GSTA1: variants seen among roughly 807,000 people sequenced by gnomAD.
GSTA1 encodes glutathione S-transferase A1.
GSTA1 carries 23 observed loss-of-function variants against 21.5 expected under a neutral mutation model. The ratio of observed to expected loss-of-function variants is 1.07; its 90% confidence interval spans 0.77 to 1.52. The LOEUF is 1.52. Among genes scored for constraint, GSTA1 ranks in the 40% most tolerant of loss-of-function variants. The pLI is 0.00. For missense variants in GSTA1, 301 were observed against 264.2 expected, an observed-to-expected ratio of 1.14 and a Z score of -0.96; for synonymous variants, 125 against 90.0, an observed-to-expected ratio of 1.39 and a Z score of -2.20.
chr6:52,795,060 TG>T (rs1763544545), intron 4 of GSTA1, among the ~76,000 whole-genome samples: 3 of 152,036 alleles, frequency 2.0e-5, no homozygotes, highest in Admixed American at 1.3e-4. Flanking sequence ...ACAGTCTAAT[TG>T]CAGAATTATT....
chr6:52,798,900 A>G (rs1763647416), intron 2 of GSTA1, among the ~76,000 whole-genome samples: 1 of 152,226 alleles, frequency 6.6e-6, no homozygotes, highest in Non-Finnish European at 1.5e-5. Flanking sequence ...TTCTAATTGT[A>G]TAAATGCTAT....
At chr6:52,796,734 G>A (rs946507728) in intron 3 of GSTA1, among the ~76,000 whole-genome samples, 1 of 150,072 alleles carries the variant, frequency 6.7e-6, no homozygotes, top group East Asian at 2.0e-4. Flanking sequence ...CAAGCAATAG[G>A]GTCTCACCAT....
At chr6:52,795,420 G>A (rs768733772) in intron 4 of GSTA1, among the ~76,000 whole-genome samples, 13 of 151,918 alleles carry the variant, frequency 8.6e-5, no homozygotes, top group South Asian at 2.1e-4. Flanking sequence ...ATTGTTATTC[G>A]CATTATTTAT....
chr6:52,795,058 A>G (rs1763544411), intron 4 of GSTA1, among the ~76,000 whole-genome samples: 1 of 152,100 alleles, frequency 6.6e-6, no homozygotes, highest in South Asian at 2.1e-4. Flanking sequence ...CCACAGTCTA[A>G]TTGCAGAATT....
rs768047952 is a variant in GSTA1, at chr6:52,797,604, A to T, written c.121T>A (p.Leu41Met). ...EEKFIKSAED[L>M]DKLRNDGYLM... ...ATCTTACCATTTCTTAACTTGTCCA[A>T]ATCTTCTGCAGATTTTATAAATTTC... The change falls in exon 3 of 7, where the codon TTG (leucine) becomes ATG (methionine). Residue 41 changes from leucine to methionine, a missense_variant. By Grantham distance (15) the Leu-to-Met change is conservative. Transcript: ENST00000334575. 1.2e-5 allele frequency: 19 copies of T among 1,608,150 alleles called. No individual in the cohort carries two copies. Among genetic ancestry groups the T allele is most frequent in the Non-Finnish European group, 1.6e-5 (19 of 1,174,902 alleles).
intron 1 of GSTA1, among the ~76,000 whole-genome samples, chr6:52,802,063 C>T (rs960341962): frequency 1.6e-4 from 25 of 152,040 alleles, no homozygotes; most frequent in Admixed American, 1.6e-3. Context: ...TTCCTGAGTT[C>T]CTCCTGTTAG....
intron 1 of GSTA1, among the ~76,000 whole-genome samples, chr6:52,803,383 C>T (rs1002685152): frequency 2.6e-5 from 4 of 152,138 alleles, no homozygotes; most frequent in African/African-American, 9.7e-5. Context: ...TGTATTTTCA[C>T]AGCCAATATA....
Position 52,791,910 on chromosome 6 carries a change from G to A in GSTA1, c.617C>T (p.Pro206Leu), listed in dbSNP as rs1180995326. 1.2e-6 allele frequency: 2 copies of A among 1,613,974 alleles called. No individual in the cohort carries two copies. The highest frequency in any genetic ancestry group is 1.7e-5 in the Admixed American group (1 of 60,012). The change falls in exon 7 of 7, where the codon CCT (proline) becomes CTT (leucine). Residue 206 changes from proline (P) to leucine (L), a missense_variant. Transcript: ENST00000334575. ...KFLQPGSPRK[P>L]PMDEKSLEEA... Reference sequence around the variant, plus strand: ...TTCTAAAGATTTCTCATCCATGGGAGGCTTCCTTGGGCTGCCAGGCTGTAG... The same window carrying A: ...TTCTAAAGATTTCTCATCCATGGGAAGCTTCCTTGGGCTGCCAGGCTGTAG...
chr6:52,793,010 T>C, intron 5 of GSTA1, 23 bp from the exon 6 acceptor site: 1 of 1,613,910 alleles, frequency 6.2e-7, no homozygotes, highest in Non-Finnish European at 8.5e-7. Flanking sequence ...AGGAATCAGA[T>C]CAGGAACACA....
intron 1 of GSTA1, among the ~76,000 whole-genome samples, 177 bp from the exon 2 acceptor site, chr6:52,799,474 C>T (rs983978456): frequency 6.6e-6 from 1 of 152,178 alleles, no homozygotes; most frequent in Non-Finnish European, 1.5e-5. Context: ...AGTGGCCACC[C>T]TCAGATTCCA....
chr6:52,796,005 C>T (rs1388408767), intron 4 of GSTA1, among the ~76,000 whole-genome samples, 177 bp downstream of exon 4: 1 of 152,144 alleles, frequency 6.6e-6, no homozygotes, highest in Non-Finnish European at 1.5e-5. Context: ...CCTGAACCCT[C>T]CCCATGTTCA....
chr6:52,797,869 T>G (rs1019243729), intron 2 of GSTA1, among the ~76,000 whole-genome samples: 11 of 152,200 alleles, frequency 7.2e-5, no homozygotes, highest in African/African-American at 2.7e-4. Context: ...AACTCCACCC[T>G]GATATGAATG....
At chr6:52,800,942 C>T (rs373027563) in intron 1 of GSTA1, among the ~76,000 whole-genome samples, 4 of 152,284 alleles carry the variant, frequency 2.6e-5, no homozygotes, top group South Asian at 4.1e-4. Context: ...AGAGCAATGG[C>T]GTGATCTTGG....
At position 52,792,732 on chromosome 6, in the gene GSTA1, G is replaced by C. The variant is rs1763486231; in HGVS notation, c.546+124C>G. On this transcript the variant is annotated intron_variant, in intron 6 of 6. Coordinates refer to ENST00000334575, the MANE Select transcript of GSTA1 (RefSeq NM_145740.5). The stretch of plus-strand genomic sequence containing the variant: ...AATTGGAGCCTGGAAGCTCATTTTG[G>C]AGACCTTGGGGCACTGAAGGCCTGG... 3 of 1,601,342 alleles carry C rather than the reference G, an allele frequency of 1.9e-6. No individual in the cohort carries two copies. The East Asian group carries it at 6.7e-5, about 36-fold the overall frequency.
intron 1 of GSTA1, among the ~76,000 whole-genome samples, chr6:52,800,415 A>G (rs1763688042): frequency 6.6e-6 from 1 of 152,264 alleles, no homozygotes; most frequent in Non-Finnish European, 1.5e-5. Flanking sequence ...TAAAAATAAA[A>G]TAGAAAAGAA....
Position 52,791,833 on chromosome 6 carries a change from G to A in GSTA1, c.*25C>T. 6.2e-7 allele frequency: 1 copy of A among 1,613,616 alleles called. No homozygotes were observed. The highest frequency in any genetic ancestry group is 1.1e-5 in the South Asian group (1 of 90,984). ...AAACTTTAGAACATTGGTATTGCAA[G>A]TTCTTGGCCTCCATGACTGCGTTAT... On this transcript the variant is annotated 3_prime_UTR_variant, in exon 7 of 7. Coordinates refer to ENST00000334575, the MANE Select transcript of GSTA1 (RefSeq NM_145740.5).
chr6:52,795,860 A>G (rs1383127828), intron 4 of GSTA1, among the ~76,000 whole-genome samples: 1 of 152,158 alleles, frequency 6.6e-6, no homozygotes, highest in Non-Finnish European at 1.5e-5. Context: ...ACTGTTGGCC[A>G]GAGTCGAGCC....
chr6:52,799,688 C>T (rs188876154), intron 1 of GSTA1, among the ~76,000 whole-genome samples: 47 of 152,312 alleles, frequency 3.1e-4, no homozygotes, highest in Middle Eastern at 6.8e-3. Flanking sequence ...CTTATAGTCC[C>T]GTGAAATGAT....
At chr6:52,792,606 T>C in intron 6 of GSTA1, 3 of 776,484 alleles carry the variant, frequency 3.9e-6, no homozygotes, top group Non-Finnish European at 5.6e-6. Context: ...GGAGAGATGC[T>C]GGGCCCTGGG....
Sources: gnomAD v4.1 joint callset for allele counts (sites outside exome capture counted in the v4.1 genomes callset) on GRCh38, gnomAD v4.1.1 for gene constraint, MANE v1.5 for transcripts, NCBI Gene and HGNC (gene_info 2026-07-23, HGNC 2026-07-21) for gene names.